Variants in IZUMO2 observed in about 807,000 individuals in gnomAD.
The protein encoded by IZUMO2 is IZUMO family member 2, also known as izumo sperm-egg fusion protein 2.
In IZUMO2, 24 loss-of-function variants were observed where a neutral mutation model predicts 31.2. That is an observed-to-expected ratio of 0.77 (90% CI 0.56 to 1.08). The LOEUF (loss-of-function observed/expected upper bound fraction) is 1.08, where lower values mean the gene tolerates loss of function less well. Among genes scored for constraint, IZUMO2 ranks in the 50% least tolerant of loss-of-function variants. IZUMO2 has a pLI of 0.00. For synonymous variants in IZUMO2, 144 were observed against 117.3 expected, an observed-to-expected ratio of 1.23 and a Z score of -1.47; for missense variants, 278 against 274.0, an observed-to-expected ratio of 1.01 and a Z score of -0.10.
At chr19:50,154,046 G>T (rs905035988) in intron 6 of IZUMO2, among the ~76,000 whole-genome samples, 6 of 148,746 alleles carry the variant, frequency 4.0e-5, no homozygotes, top group Non-Finnish European at 7.4e-5. Context: ...AAGAGGCAGC[G>T]AGATAAGCTT....
chr19:50,153,949 C>A (rs919127076), intron 6 of IZUMO2: 2 of 131,634 alleles, frequency 1.5e-5, no homozygotes, highest in African/African-American at 5.7e-5. Context: ...TTGGAGGAGG[C>A]AGAGAGAGAG....
At chr19:50,157,179 T>A (rs2030237179) in intron 5 of IZUMO2, among the ~76,000 whole-genome samples, 1 of 152,106 alleles carries the variant, frequency 6.6e-6, no homozygotes, top group Admixed American at 6.6e-5. Context: ...TCTGAGGAAG[T>A]GACCTTTGAG....
Position 50,163,234 on chromosome 19 carries a change from C to G in IZUMO2, c.-40G>C. ...GACGTCACAGAGAGAACCCGGCCCG[C>G]CCCGCCTCCCAGGCGAGGGCGCGGT... On this transcript the variant is annotated 5_prime_UTR_variant, in exon 1 of 7. Coordinates refer to ENST00000293405, the MANE Select transcript of IZUMO2 (RefSeq NM_152358.3). The G allele has an allele frequency of 6.7e-7, 1 of 1,490,686 alleles. No homozygotes were observed. The highest frequency in any genetic ancestry group is 9.1e-7 in the Non-Finnish European group (1 of 1,101,030). The allele number at this position is 1,490,686 out of a possible 1,614,324, so 92.3% of individuals were successfully genotyped here.
Position 50,159,563 on chromosome 19 carries a change from C to T in IZUMO2, c.325G>A (p.Glu109Lys). Residue 109 changes from glutamate (E) to lysine (K), a missense_variant, in exon 3 of 7, where the codon GAG (glutamate) becomes AAG (lysine). By Grantham distance (56) the Glu-to-Lys change is moderately conservative. Transcript: ENST00000293405. ...ACATTCGCCCTGAGGGTCACCAGCTCTTCCAGCAGAGGCTCATCTGAGGAG... is the reference window on the plus strand; with the variant it reads ...ACATTCGCCCTGAGGGTCACCAGCTTTTCCAGCAGAGGCTCATCTGAGGAG... ...NSLKDEPLLEELVTLRANVIK... is the reference protein window; with the variant it reads ...NSLKDEPLLEKLVTLRANVIK... 1.9e-6 allele frequency: 3 copies of T among 1,613,084 alleles called. No individual in the cohort carries two copies. Among genetic ancestry groups the T allele is most frequent in the South Asian group, 1.1e-5 (1 of 91,042 alleles).
intron 6 of IZUMO2, chr19:50,153,783 T>A (rs2030106590): frequency 6.7e-6 from 1 of 150,214 alleles, no homozygotes; most frequent in African/African-American, 2.5e-5. Context: ...GCACTCCAGC[T>A]TGGGCCACAG....
At position 50,163,160 on chromosome 19, in the gene IZUMO2, C is replaced by A. The variant is rs1220785294; in HGVS notation, c.35G>T (p.Gly12Val). The change falls in exon 1 of 7, where the codon GGC becomes GTC. Residue 12 changes from glycine (G) to valine (V), a missense_variant. Coordinates refer to ENST00000293405, the MANE Select transcript of IZUMO2 (RefSeq NM_152358.3). The stretch of plus-strand genomic sequence containing the variant: ...GCCCCAGCCTCCGGGGGCGCCCAAG[C>A]CCGAGAGCAGCAGAAGGGTCAAAGC... The part of the protein sequence containing the change: ...PLALTLLLLS[G>V]LGAPGGWGCL... 3 of 1,564,468 alleles carry A rather than the reference C, an allele frequency of 1.9e-6. No homozygotes were observed. The highest frequency in any genetic ancestry group is 3.9e-5 in the Admixed American group (2 of 51,368).
At chr19:50,161,611 C>G (rs2030403879) in intron 2 of IZUMO2, among the ~76,000 whole-genome samples, 1 of 152,106 alleles carries the variant, frequency 6.6e-6, no homozygotes, top group Admixed American at 6.6e-5. Context: ...AAACATAGTC[C>G]CATCTCAGGG....
In IZUMO2 at chr19:50,158,297, GGA is replaced by G; in HGVS notation, c.465_466del (p.Pro156GlnfsTer78). 6.2e-7 allele frequency: 1 copy of G among 1,612,258 alleles called. No individual in the cohort carries two copies. Among genetic ancestry groups the G allele is most frequent in the African/African-American group, 1.3e-5 (1 of 74,900 alleles). The stretch of plus-strand genomic sequence containing the variant: ...GCAGTACTTTTTGTGGATACACTTG[GGA>G]GTGATCCTCTGGCAATGTAAACAGT... On this transcript the variant is annotated frameshift_variant, in exon 5 of 7. Coordinates refer to ENST00000293405, the MANE Select transcript of IZUMO2 (RefSeq NM_152358.3). LOFTEE classifies it high-confidence loss of function.
chr19:50,154,768 C>T (rs777470859), intron 5 of IZUMO2, 42 bp from the exon 6 acceptor site: 53 of 1,606,484 alleles, frequency 3.3e-5, no homozygotes, highest in East Asian at 2.9e-4. Context: ...CACGTCACCA[C>T]CCCTCCTTAG....
intron 6 of IZUMO2, among the ~76,000 whole-genome samples, chr19:50,153,176 C>G (rs2030084887): frequency 1.3e-5 from 2 of 152,012 alleles, no homozygotes; most frequent in African/African-American, 4.8e-5. Flanking sequence ...AAAACAAAAC[C>G]ATGTGAAGAC....
intron 5 of IZUMO2, among the ~76,000 whole-genome samples, chr19:50,156,052 C>A (rs192510772): frequency 6.6e-6 from 1 of 152,260 alleles, no homozygotes; most frequent in East Asian, 1.9e-4. Context: ...TGCCCTACAT[C>A]CGTATTTTCT....
chr19:50,162,991 G>T lies in IZUMO2; in HGVS notation c.204C>A (p.Tyr68Ter). The T allele has an allele frequency of 6.2e-7, 1 of 1,612,212 alleles. No homozygotes were observed. The highest frequency in any genetic ancestry group is 8.5e-7 in the Non-Finnish European group (1 of 1,179,008). The change falls in exon 1 of 7, where the codon TAC becomes TAA. Residue 68 changes from tyrosine (Y) to a stop codon, truncating the protein, a stop_gained. Coordinates refer to ENST00000293405, the MANE Select transcript of IZUMO2 (RefSeq NM_152358.3). LOFTEE classifies it high-confidence loss of function. ...MGMEGPFFRD[Y>*]ALNVFVGKVE... ...CTTTCCCCACAAACACGTTCAGCGC[G>T]TAGTCCCGGAAGAAAGGCCCCTCCA...
At chr19:50,156,296 A>G (rs1005226580) in intron 5 of IZUMO2, among the ~76,000 whole-genome samples, 1 of 152,094 alleles carries the variant, frequency 6.6e-6, no homozygotes, top group African/African-American at 2.4e-5. Flanking sequence ...GAAGCTAGGG[A>G]TGTTGCTAAA....
chr19:50,159,651 A>G, intron 2 of IZUMO2, 71 bp from the exon 3 acceptor site: 1 of 867,738 alleles, frequency 1.2e-6, no homozygotes, highest in Non-Finnish European at 1.9e-6. Context: ...TGAAGCTTCC[A>G]GGAGAAGAGA....
At chr19:50,156,864 G>A (rs1330898576) in intron 5 of IZUMO2, among the ~76,000 whole-genome samples, 1 of 152,162 alleles carries the variant, frequency 6.6e-6, no homozygotes, top group Non-Finnish European at 1.5e-5. Context: ...TTGAACACTG[G>A]TTTGAACAAA....
rs1568438572 is a variant in IZUMO2, at chr19:50,159,259, G to C, written c.395-9C>G. On this transcript the variant is annotated splice_polypyrimidine_tract_variant and intron_variant, in intron 3 of 6. Transcript: ENST00000293405. The stretch of plus-strand genomic sequence containing the variant: ...AAGTTTGGGGTTGCAGGCTGCAAGA[G>C]AAAATTGCTGAGGTGAGTTAAATTG... 1 of 1,610,728 alleles carries C rather than the reference G, an allele frequency of 6.2e-7. No individual in the cohort carries two copies. The highest frequency in any genetic ancestry group is 1.1e-5 in the South Asian group (1 of 89,698).
intron 2 of IZUMO2, 146 bp downstream of exon 2, chr19:50,162,593 C>G: frequency 3.0e-6 from 2 of 662,352 alleles, no homozygotes; most frequent in South Asian, 3.8e-5. Context: ...CCAGCCGGAG[C>G]GACAGTGAGG....
chr19:50,155,226 C>T (rs978551287), intron 5 of IZUMO2, among the ~76,000 whole-genome samples: 3 of 152,014 alleles, frequency 2.0e-5, no homozygotes, highest in Admixed American at 6.6e-5. Context: ...CTGTGAGATC[C>T]TATCTCTACA....
At chr19:50,161,085 C>T (rs1286314892) in intron 2 of IZUMO2, among the ~76,000 whole-genome samples, 1 of 151,842 alleles carries the variant, frequency 6.6e-6, no homozygotes, top group Non-Finnish European at 1.5e-5. Flanking sequence ...TTGCTCAATT[C>T]AAAATCCTTG....
Sources: gnomAD v4.1 joint callset for allele counts (sites outside exome capture counted in the v4.1 genomes callset) on GRCh38, gnomAD v4.1.1 for gene constraint, MANE v1.5 for transcripts, NCBI Gene and HGNC (gene_info 2026-07-23, HGNC 2026-07-21) for gene names.